Variants in RET observed in about 807,000 individuals in gnomAD.
RET encodes the protein proto-oncogene tyrosine-protein kinase receptor Ret.
RET carries 19 observed loss-of-function variants against 118.3 expected under a neutral mutation model. The ratio of observed to expected loss-of-function variants is 0.16; its 90% CI spans 0.11 to 0.24. RET has a LOEUF of 0.24. Among genes scored for constraint, RET ranks in the 10% least tolerant of loss-of-function variants. The pLI is 1.00. For synonymous variants in RET, 597 were observed against 644.1 expected (o/e 0.93, Z 1.11); for missense variants, 1,219 against 1,502.1 (o/e 0.81, Z 3.12).
rs1838418839 is a variant in RET at position 43,130,320 on chromosome 10, C to G, written c.*2051C>G. The G allele has an allele frequency of 3.2e-6, 1 of 316,708 alleles. No homozygotes were observed. The highest frequency in any genetic ancestry group is 1.6e-4 in the South Asian group (1 of 6,270). The allele number at this position is 316,708 out of a possible 1,614,324, so 19.6% of individuals were successfully genotyped here. ...TTGTAATCAAGGTGACTAAGAAAAT[C>G]AGTTGTGTAAATAAAATCATGTATC... On this transcript the variant is annotated 3_prime_UTR_variant, in exon 20 of 20. Coordinates refer to ENST00000355710, the MANE Select transcript of RET (RefSeq NM_020975.6).
intron 5 of RET, among the ~76,000 whole-genome samples, chr10:43,107,237 A>G (rs1281424474): frequency 6.6e-6 from 1 of 152,042 alleles, no homozygotes; most frequent in Non-Finnish European, 1.5e-5. Flanking sequence ...GGTCCTGTTC[A>G]TTCCTCAGTC....
intron 1 of RET, among the ~76,000 whole-genome samples, chr10:43,082,317 G>A (rs536936872): frequency 3.3e-5 from 5 of 152,352 alleles, no homozygotes; most frequent in Admixed American, 2.6e-4. Context: ...GAGGGAGCAG[G>A]TGGCCAGCTC....
At chr10:43,082,391 C>A (rs1251670576) in intron 1 of RET, among the ~76,000 whole-genome samples, 1 of 152,240 alleles carries the variant, frequency 6.6e-6, no homozygotes, top group Non-Finnish European at 1.5e-5. Flanking sequence ...GCAGCCCAGG[C>A]ACCACCACAG....
intron 16 of RET, 123 bp from the exon 17 acceptor site, chr10:43,123,548 G>A: frequency 7.8e-7 from 1 of 1,282,322 alleles, no homozygotes; most frequent in Non-Finnish European, 1.1e-6. Flanking sequence ...ACATCTGTGA[G>A]CATCTGTGCT....
rs746378333 is a variant in RET, at chr10:43,100,697, C to T, written c.312C>T (p.Ser104=). 1.2e-6 allele frequency: 2 copies of T among 1,606,056 alleles called. No homozygotes were observed. Among genetic ancestry groups the T allele is most frequent in the Non-Finnish European group, 1.7e-6 (2 of 1,176,486 alleles). The change falls in exon 2 of 20, where the codon AGC becomes AGT. Residue 104 remains serine, a synonymous_variant. Coordinates refer to ENST00000355710, the MANE Select transcript of RET (RefSeq NM_020975.6). ...ACCTTAACCGGAGCCTGGACCATAGCTCCTGGGAGAAGCTCAGTGTCCGCA... is the reference window on the plus strand; with the variant it reads ...ACCTTAACCGGAGCCTGGACCATAGTTCCTGGGAGAAGCTCAGTGTCCGCA... The part of the protein sequence containing the change: ...LLYLNRSLDH[S]SWEKLSVRNR...
rs149768519 is a variant in RET at position 43,114,520 on chromosome 10, C to T, written c.1920C>T (p.Ala640=). Residue 640 remains alanine, a synonymous_variant, in exon 11 of 20, where the codon GCC becomes GCT. Coordinates refer to ENST00000355710, the MANE Select transcript of RET (RefSeq NM_020975.6). The surrounding 1 kb of genome is among the most constrained non-coding windows in gnomAD (Gnocchi z 4.6). The part of the protein sequence containing the change: ...CDELCRTVIA[A]AVLFSFIVSV... ...AGCTGTGCCGCACGGTGATCGCAGC[C>T]GCTGTCCTCTTCTCCTTCATCGTCT... is the stretch of plus-strand genomic sequence containing the variant. 54 of 1,609,354 alleles carry T rather than the reference C, an allele frequency of 3.4e-5. No individual in the cohort carries two copies. The highest frequency in any genetic ancestry group is 6.7e-5 in the East Asian group (3 of 44,872).
Position 43,113,619 on chromosome 10 carries a change from C to T in RET, c.1823C>T (p.Thr608Ile), listed in dbSNP as rs1837993597. The change falls in exon 10 of 20, where the codon ACC becomes ATC. Residue 608 changes from threonine (T) to isoleucine (I), a missense_variant. Physicochemically the swap from Thr to Ile is moderately conservative, Grantham distance 89. Coordinates refer to ENST00000355710, the MANE Select transcript of RET (RefSeq NM_020975.6). ...CGGGGGATTAAAGCTGGCTATGGCA[C>T]CTGCAACTGCTTCCCTGAGGAGGAG... ...EPRGIKAGYG[T>I]CNCFPEEEKC... The T allele has an allele frequency of 2.5e-6, 4 of 1,613,112 alleles. No homozygotes were observed. The South Asian group carries it at 4.4e-5, about 18-fold the overall frequency.
intron 15 of RET, 24 bp from the exon 16 acceptor site, chr10:43,121,922 G>A (rs371868987): frequency 1.2e-4 from 185 of 1,585,080 alleles, no homozygotes; most frequent in Non-Finnish European, 1.5e-4. Flanking sequence ...TAACTTCAAT[G>A]TCTTTATTCC....
At chr10:43,083,463 G>A (rs1837229283) in intron 1 of RET, among the ~76,000 whole-genome samples, 1 of 152,210 alleles carries the variant, frequency 6.6e-6, no homozygotes, top group African/African-American at 2.4e-5. Flanking sequence ...ACACCTCCCA[G>A]CCCTTGTGCC....
Position 43,119,987 on chromosome 10 carries a change from CCA to C in RET, c.2608-88_2608-87del, listed in dbSNP as rs1838173023. 6 of 1,569,424 alleles carry C rather than the reference CCA, an allele frequency of 3.8e-6. No homozygotes were observed. The South Asian group carries it at 6.9e-5, about 18-fold the overall frequency. On this transcript the variant is annotated intron_variant, in intron 14 of 19. Coordinates refer to ENST00000355710, the MANE Select transcript of RET (RefSeq NM_020975.6). ...AGGTCTCACCAGGCCGCTACCCGGG[CCA>C]CACACCACCCCTCTGCTGGTCACAC...
At chr10:43,126,990 G>C (rs1272412284) in intron 19 of RET, 1 of 1,379,890 alleles carries the variant, frequency 7.2e-7, no homozygotes, top group Non-Finnish European at 9.4e-7. Flanking sequence ...GATCAGGGCG[G>C]AACTCTCAGG....
chr10:43,113,698 C>T, intron 10 of RET, 23 bp downstream of exon 10: 1 of 1,611,832 alleles, frequency 6.2e-7, no homozygotes, highest in Non-Finnish European at 8.5e-7. Context: ...CGGCCGGGAC[C>T]ACCACCACCT....
In RET at chr10:43,128,658, C is replaced by A; in HGVS notation, c.*389C>A. The A allele has an allele frequency of 2.6e-6, 1 of 388,798 alleles. No individual in the cohort carries two copies. The allele number at this position is 388,798 out of a possible 1,614,324, so 24.1% of individuals were successfully genotyped here. Reference sequence around the variant, plus strand: ...AACTGTTGGATTTTTCTAGTTGCCGCCAAACAAGGCAAAAAAATTTAAACA... The same window carrying A: ...AACTGTTGGATTTTTCTAGTTGCCGACAAACAAGGCAAAAAAATTTAAACA... On this transcript the variant is annotated 3_prime_UTR_variant, in exon 20 of 20. Coordinates refer to ENST00000355710, the MANE Select transcript of RET (RefSeq NM_020975.6).
rs2132855203 is a variant in RET, at chr10:43,114,718, G to A, written c.2118G>A (p.Val706=). Residue 706 remains valine, a synonymous_variant, in exon 11 of 20, where the codon GTG becomes GTA. Coordinates refer to ENST00000355710, the MANE Select transcript of RET (RefSeq NM_020975.6). This position sits in a 1 kb window ranked among gnomAD's most constrained non-coding sequence, Gnocchi z 4.6. ...ACTCCATGGAGAACCAGGTCTCCGT[G>A]GATGCCTTCAAGATCCTGGTGAGGG... ...SLDSMENQVS[V]DAFKILEDPK... is the part of the protein sequence containing the mutation. The A allele has an allele frequency of 3.1e-6, 5 of 1,611,062 alleles. No homozygotes were observed. The highest frequency in any genetic ancestry group is 4.2e-6 in the Non-Finnish European group (5 of 1,179,772).
Position 43,106,325 on chromosome 10 carries a change from T to A in RET, c.868-51T>A, listed in dbSNP as rs1837773566. 1.9e-6 allele frequency: 3 copies of A among 1,568,290 alleles called. No homozygotes were observed. Among genetic ancestry groups the A allele is most frequent in the Non-Finnish European group, 8.7e-7 (1 of 1,153,610 alleles). On this transcript the variant is annotated intron_variant, in intron 4 of 19. Transcript: ENST00000355710. The surrounding 1 kb of genome is among the most constrained non-coding windows in gnomAD (Gnocchi z 5.1). ...TTCTAAGGTCTCTGGTTTTGGGGGGTCTGAGGGGCCCATCTCGCCTGCACT... is the reference window on the plus strand; with the variant it reads ...TTCTAAGGTCTCTGGTTTTGGGGGGACTGAGGGGCCCATCTCGCCTGCACT...
chr10:43,116,948 G>A (rs758621485), intron 12 of RET, among the ~76,000 whole-genome samples: 1 of 152,242 alleles, frequency 6.6e-6, no homozygotes, highest in Non-Finnish European at 1.5e-5. Flanking sequence ...CTGTGCCAGT[G>A]CCACTGAAGA....
rs759359058 is a variant in RET at position 43,116,779 on chromosome 10, G to T, written c.2284+48G>T. ...GTGCCCCTGGGGGAGTCTCCGGGGC[G>T]GGGGGCGGGTGAGGCCCCTCCTGCC... On this transcript the variant is annotated intron_variant, in intron 12 of 19. Coordinates refer to ENST00000355710, the MANE Select transcript of RET (RefSeq NM_020975.6). 20 of 1,367,846 alleles carry T rather than the reference G, an allele frequency of 1.5e-5. 1 individual carries two copies. The highest frequency in any genetic ancestry group is 5.2e-5 in the Admixed American group (3 of 57,430). 84.7% of individuals were successfully genotyped at this position (1,367,846 alleles called of 1,614,324 possible).
At chr10:43,081,297 CAG>C (rs1157231715) in intron 1 of RET, among the ~76,000 whole-genome samples, 2 of 109,554 alleles carry the variant, frequency 1.8e-5, no homozygotes, top group African/African-American at 3.2e-5. Context: ...TATTTTTCAG[CAG>C]AGTGACTTAA....
Position 43,105,416 on chromosome 10 carries a change from A to T in RET, c.867+223A>T, listed in dbSNP as rs1864406. Among the ~76,000 whole-genome samples the T allele has an allele frequency of 0.28, 42,611 of 151,862 alleles. 6,223 individuals are homozygous for T. The highest frequency in any genetic ancestry group is 0.36 in the African/African-American group (14,793 of 41,436). ...GCCTCGGGAGGCAAGGACCAGGACG[A>T]GGCCCGAGGGCTCGCGTCTGGGGCA... On this transcript the variant is annotated intron_variant, in intron 4 of 19. Transcript: ENST00000355710.
Sources: gnomAD v4.1 joint callset for allele counts (sites outside exome capture counted in the v4.1 genomes callset) on GRCh38, gnomAD v4.1.1 for gene constraint, Gnocchi (gnomAD v3.1) non-coding constraint, MANE v1.5 for transcripts, NCBI Gene and HGNC (gene_info 2026-07-23, HGNC 2026-07-21) for gene names.